Variants in RBKS observed in about 807,000 individuals in gnomAD.
RBKS encodes the protein ribokinase.
Under a neutral mutation model 33.9 loss-of-function variants are expected in RBKS, and 33 were observed. That is an observed-to-expected ratio of 0.97 (90% CI 0.74 to 1.30). RBKS has a LOEUF of 1.30. RBKS is among the 50% of genes most tolerant of loss of function. The pLI, the probability that RBKS is intolerant of heterozygous loss-of-function variation, is 0.00. For missense variants in RBKS, 361 were observed against 392.6 expected (o/e 0.92, Z 0.68); for synonymous variants, 125 against 143.0 (o/e 0.87, Z 0.90).
At chr2:27,834,165 C>T (rs191068931) in intron 5 of RBKS, among the ~76,000 whole-genome samples, 5 of 152,314 alleles carry the variant, frequency 3.3e-5, no homozygotes, top group East Asian at 1.9e-4. Flanking sequence ...CTAATCAGCA[C>T]GTGGCTAATG....
intron 7 of RBKS, among the ~76,000 whole-genome samples, chr2:27,793,547 A>G (rs1010266086): frequency 3.3e-5 from 5 of 152,226 alleles, no homozygotes; most frequent in Admixed American, 1.3e-4. Flanking sequence ...CTAAATTGAC[A>G]TACATTCTAC....
At chr2:27,854,967 G>A (rs745778109) in intron 2 of RBKS, among the ~76,000 whole-genome samples, 3 of 152,222 alleles carry the variant, frequency 2.0e-5, no homozygotes, top group South Asian at 2.1e-4. Flanking sequence ...GTACCACATC[G>A]TGCCTATAGT....
intron 7 of RBKS, among the ~76,000 whole-genome samples, chr2:27,825,173 T>TGA (rs1678287125): frequency 6.6e-6 from 1 of 152,160 alleles, no homozygotes; most frequent in Non-Finnish European, 1.5e-5. Flanking sequence ...TATTATCTCT[T>TGA]GAGTTCCAAT....
At chr2:27,874,850 C>T (rs1664281696) in intron 1 of RBKS, among the ~76,000 whole-genome samples, 1 of 152,186 alleles carries the variant, frequency 6.6e-6, no homozygotes, top group Admixed American at 6.5e-5. Context: ...TTGAGAATCT[C>T]TCTCATCCAT....
chr2:27,888,158 G>A (rs1159904940), intron 1 of RBKS, among the ~76,000 whole-genome samples: 2 of 149,420 alleles, frequency 1.3e-5, no homozygotes, highest in African/African-American at 4.9e-5. Context: ...ATGGAGTTTT[G>A]CTCTTGTCAC....
chr2:27,877,311 GT>G (rs1664332494), intron 1 of RBKS, among the ~76,000 whole-genome samples: 1 of 151,446 alleles, frequency 6.6e-6, no homozygotes, highest in Non-Finnish European at 1.5e-5. Context: ...TAAGAATGCT[GT>G]ATTGGTATAT....
intron 1 of RBKS, among the ~76,000 whole-genome samples, chr2:27,887,139 A>T (rs1664549965): frequency 6.6e-6 from 1 of 152,206 alleles, no homozygotes; most frequent in Non-Finnish European, 1.5e-5. Context: ...TAATCACAAG[A>T]GTTCTTATAA....
intron 1 of RBKS, among the ~76,000 whole-genome samples, chr2:27,886,852 T>C (rs1182874080): frequency 6.6e-6 from 1 of 152,184 alleles, no homozygotes; most frequent in African/African-American, 2.4e-5. Flanking sequence ...AGTAAGTCAT[T>C]GAAGCTCTCT....
intron 4 of RBKS, among the ~76,000 whole-genome samples, chr2:27,844,559 A>AT (rs907894508): frequency 1.0e-4 from 15 of 150,364 alleles, no homozygotes; most frequent in East Asian, 5.9e-4. Flanking sequence ...CGCCTGGCTA[A>AT]TTTTTTTTTG....
At chr2:27,860,151 AT>A (rs1029222848) in intron 1 of RBKS, among the ~76,000 whole-genome samples, 12 of 152,334 alleles carry the variant, frequency 7.9e-5, no homozygotes, top group African/African-American at 2.6e-4. Flanking sequence ...ATGAAAAAAA[AT>A]ATACATCTAG....
At chr2:27,804,920 TGGAGGTTGAGGTG>T (rs1388028765) in intron 7 of RBKS, among the ~76,000 whole-genome samples, 1 of 151,846 alleles carries the variant, frequency 6.6e-6, no homozygotes, top group Non-Finnish European at 1.5e-5. Flanking sequence ...CCAGGTACTC[TGGAGGTTGAGGTG>T]GGAGGATTGT....
chr2:27,820,549 TTCTCTCTCTCTCTCTC>T (rs10534268), intron 7 of RBKS, among the ~76,000 whole-genome samples: 7 of 147,972 alleles, frequency 4.7e-5, no homozygotes, highest in Middle Eastern at 3.5e-3. Context: ...AGATTTACTA[TTCTCTCTCTCTCTCTC>T]TCTCTCTCTC....
At chr2:27,868,789 T>C (rs1212499376) in intron 1 of RBKS, among the ~76,000 whole-genome samples, 2 of 152,328 alleles carry the variant, frequency 1.3e-5, no homozygotes, top group East Asian at 3.9e-4. Flanking sequence ...AGTTCTTTCC[T>C]TTGCTTCTCA....
At chr2:27,789,799 G>A (rs1573031620) in intron 7 of RBKS, among the ~76,000 whole-genome samples, 1 of 150,478 alleles carries the variant, frequency 6.6e-6, no homozygotes, top group African/African-American at 2.4e-5. Context: ...TCCTGACCTC[G>A]TGATCCACCC....
chr2:27,883,286 G>A lies in RBKS; in HGVS notation c.89+6971C>T, dbSNP rs565109801. Among the ~76,000 whole-genome samples the A allele has an allele frequency of 6.5e-4, 97 of 150,036 alleles. 1 individual carries two copies. Among genetic ancestry groups the A allele is most frequent in the Admixed American group, 8.7e-4 (13 of 14,912 alleles). On this transcript the variant is annotated intron_variant, in intron 1 of 7. Coordinates refer to ENST00000302188, the MANE Select transcript of RBKS (RefSeq NM_022128.3). ...ACGATCTCAGCTCACTGCAAGCTCC[G>A]CCTCCCTGGTTCACACCATTCTCCT...
At chr2:27,782,546 T>C (rs750779846) in intron 7 of RBKS, 2 of 449,308 alleles carry the variant, frequency 4.5e-6, no homozygotes, top group South Asian at 3.2e-5. Context: ...CATACCTTAA[T>C]TGGGATATGT....
chr2:27,841,954 G>A (rs1018601274), intron 5 of RBKS, among the ~76,000 whole-genome samples: 9 of 152,054 alleles, frequency 5.9e-5, no homozygotes, highest in Non-Finnish European at 1.3e-4. Flanking sequence ...ACTTTAAAGA[G>A]AGAAGTGGAT....
chr2:27,803,574 C>T (rs566098748), intron 7 of RBKS, among the ~76,000 whole-genome samples: 3 of 151,916 alleles, frequency 2.0e-5, no homozygotes, highest in Non-Finnish European at 2.9e-5. Context: ...CTTATAGTCC[C>T]GCCTGCTTGG....
intron 4 of RBKS, among the ~76,000 whole-genome samples, chr2:27,844,175 G>A (rs529103500): frequency 6.6e-6 from 1 of 150,910 alleles, no homozygotes; most frequent in Admixed American, 6.7e-5. Context: ...CGTGAGAGTC[G>A]CTTAAACCTG....
Sources: allele counts gnomAD v4.1 joint callset (sites outside exome capture counted in the v4.1 genomes callset), GRCh38; gene constraint gnomAD v4.1.1; transcripts MANE v1.5; gene names NCBI Gene and HGNC (gene_info 2026-07-23, HGNC 2026-07-21).